CPLX1: variants seen among roughly 807,000 people sequenced by gnomAD.
CPLX1 encodes the protein complexin-1.
In CPLX1, 6 loss-of-function variants were observed where a neutral mutation model predicts 15.6. The ratio of observed to expected loss-of-function variants is 0.39; its 90% CI spans 0.21 to 0.76. CPLX1 has a LOEUF of 0.76. CPLX1 is among the 30% of genes least tolerant of loss of function. The probability of loss-of-function intolerance (pLI) is 0.43; values close to 1 mark genes in which losing one functional copy is unlikely to be tolerated. For synonymous variants in CPLX1, 91 were observed against 75.2 expected (o/e 1.21, Z -1.08); for missense variants, 242 against 188.6 (o/e 1.28, Z -1.66).
intron 2 of CPLX1, among the ~76,000 whole-genome samples, 152 bp downstream of exon 2, chr4:824,340 C>T (rs1265904819): frequency 6.6e-6 from 1 of 152,240 alleles, no homozygotes; most frequent in African/African-American, 2.4e-5. Context: ...GGGCACGGTC[C>T]TTGCTCCTCT....
intron 3 of CPLX1, chr4:787,715 A>G (rs2152641218): frequency 1.0e-6 from 1 of 984,904 alleles, no homozygotes; most frequent in African/African-American, 1.7e-5. Context: ...CCAGGCCTCT[A>G]AGTTTTTGTC....
intron 2 of CPLX1, among the ~76,000 whole-genome samples, chr4:822,928 C>T (rs1256651884): frequency 2.0e-5 from 3 of 152,210 alleles, no homozygotes; most frequent in Non-Finnish European, 2.9e-5. Flanking sequence ...AGCGTGGAGC[C>T]CCCCCAGGGT....
chr4:823,497 G>A (rs1746911791), intron 2 of CPLX1, among the ~76,000 whole-genome samples: 1 of 152,196 alleles, frequency 6.6e-6, no homozygotes, highest in South Asian at 2.1e-4. Context: ...TCCAAGGTGT[G>A]AATGGCATCA....
At position 794,943 on chromosome 4, in the gene CPLX1, G is replaced by T. The variant is rs944990491; in HGVS notation, c.32-2335C>A. ...TGCGCTCTGCTCCAGGGGTGCCTGTGGGGGGCCCTCCCGCTCTGAGAGTGT... is the reference window on the plus strand; with the variant it reads ...TGCGCTCTGCTCCAGGGGTGCCTGTTGGGGGCCCTCCCGCTCTGAGAGTGT... On this transcript the variant is annotated intron_variant, in intron 2 of 3. Transcript: ENST00000304062. Among the ~76,000 whole-genome samples the T allele has an allele frequency of 2.6e-5, 4 of 152,322 alleles. No individual in the cohort carries two copies. In the East Asian group the frequency reaches 5.8e-4, roughly 22 times the overall value.
chr4:786,237 G>T lies in CPLX1; in HGVS notation c.*264C>A. On this transcript the variant is annotated 3_prime_UTR_variant, in exon 4 of 4. Transcript: ENST00000304062. ...CCCTGGCCTCGGGCGCTGCTGGGTG[G>T]GCGGTAAACAGCAAGAGAAAGGGGC... 1 of 310,888 alleles carries T rather than the reference G, an allele frequency of 3.2e-6. No individual in the cohort carries two copies. Among genetic ancestry groups the T allele is most frequent in the Non-Finnish European group, 5.9e-6 (1 of 170,234 alleles). 19.3% of individuals were successfully genotyped at this position (310,888 alleles called of 1,614,324 possible). A position where few individuals can be genotyped will look rare whatever the true frequency, so the allele number is the denominator to read the frequency against.
intron 2 of CPLX1, among the ~76,000 whole-genome samples, chr4:807,511 G>C (rs1407259968): frequency 6.7e-6 from 1 of 149,848 alleles, no homozygotes; most frequent in Non-Finnish European, 1.5e-5. Flanking sequence ...TTCATTCTTT[G>C]TTGCCCTGGC....
At chr4:812,199 C>T (rs1400386791) in intron 2 of CPLX1, among the ~76,000 whole-genome samples, 5 of 152,056 alleles carry the variant, frequency 3.3e-5, no homozygotes, top group Non-Finnish European at 5.9e-5. Flanking sequence ...CTCAGCCTCC[C>T]GAGTAGCTGG....
chr4:822,893 A>T (rs1370580894), intron 2 of CPLX1, among the ~76,000 whole-genome samples: 1 of 152,134 alleles, frequency 6.6e-6, no homozygotes, highest in African/African-American at 2.4e-5. Context: ...TGCAAAGCCA[A>T]TGTGGGGTGC....
intron 2 of CPLX1, among the ~76,000 whole-genome samples, chr4:795,799 AG>A (rs1263218228): frequency 1.5e-5 from 1 of 66,314 alleles, no homozygotes; most frequent in Non-Finnish European, 3.2e-5. Context: ...CCGGGTGGAG[AG>A]GGGGTGGGGG....
chr4:825,343 CTGTT>C (rs765922014), intron 1 of CPLX1, among the ~76,000 whole-genome samples: 37 of 152,322 alleles, frequency 2.4e-4, no homozygotes, highest in South Asian at 1.9e-3. Flanking sequence ...TGGAGAGACA[CTGTT>C]TGACGGTTCA....
rs538103414 is a variant in CPLX1, at chr4:797,826, G to A, written c.32-5218C>T. 6.6e-5 allele frequency among the ~76,000 whole-genome samples: 10 copies of A among 152,136 alleles called. No homozygotes were observed. In the South Asian group the frequency reaches 2.1e-3, roughly 32 times the overall value. ...CGGGCGCCTGTAGTCCCAGCTACTC[G>A]GGAGGCTGAGGCAGAATGGTGTGAA... On this transcript the variant is annotated intron_variant, in intron 2 of 3. Coordinates refer to ENST00000304062, the MANE Select transcript of CPLX1 (RefSeq NM_006651.4).
rs1443312203 is a variant in CPLX1 at position 786,627 on chromosome 4, G to T, written c.279C>A (p.Ser93Arg). The T allele has an allele frequency of 6.2e-7, 1 of 1,612,688 alleles. No individual in the cohort carries two copies. Among genetic ancestry groups the T allele is most frequent in the East Asian group, 2.2e-5 (1 of 44,824 alleles). Residue 93 changes from serine (S) to arginine (R), a missense_variant, in exon 4 of 4, where the codon AGC (serine) becomes AGA (arginine). Transcript: ENST00000304062. ...GGATGGCCTTCTTGGGCCGCGTCAA[G>T]CTCCCCTCGGAGTTGGCCTCCATGG... ...QAAMEANSEG[S>R]LTRPKKAIPP...
chr4:791,928 G>A (rs1192492822), intron 3 of CPLX1, among the ~76,000 whole-genome samples: 1 of 152,196 alleles, frequency 6.6e-6, no homozygotes, highest in Non-Finnish European at 1.5e-5. Context: ...GACCCAGGCT[G>A]CTCCCTGTGC....
intron 3 of CPLX1, chr4:788,473 G>A (rs3775139): frequency 0.27 from 267,175 of 985,228 alleles, 38,241 homozygotes; most frequent in African/African-American, 0.52. Context: ...CAGCCCCTGC[G>A]CACTCTTGAC....
At chr4:789,315 G>A (rs528142492) in intron 3 of CPLX1, among the ~76,000 whole-genome samples, 18 of 152,224 alleles carry the variant, frequency 1.2e-4, no homozygotes, top group Middle Eastern at 3.4e-3. Context: ...CTGAGGATGG[G>A]AGTGGCTGCT....
intron 2 of CPLX1, among the ~76,000 whole-genome samples, chr4:800,553 TATATAA>T (rs1746430881): frequency 3.6e-5 from 5 of 139,076 alleles, no homozygotes; most frequent in African/African-American, 7.9e-5. Flanking sequence ...CATGTATGTA[TATATAA>T]ATATATGTGT....
chr4:800,716 G>T (rs1211083474), intron 2 of CPLX1, among the ~76,000 whole-genome samples: 1 of 86,772 alleles, frequency 1.2e-5, no homozygotes, highest in Admixed American at 1.4e-4. Flanking sequence ...GGGAAACCCC[G>T]TCTCTACTAA....
In CPLX1 at chr4:786,651, G is replaced by A. The variant is rs561300032; in HGVS notation, c.255C>T (p.Ala85=). 2 of 1,611,962 alleles carry A rather than the reference G, an allele frequency of 1.2e-6. No homozygotes were observed. Among genetic ancestry groups the A allele is most frequent in the Admixed American group, 1.7e-5 (1 of 59,962 alleles). ...AGCTCCCCTCGGAGTTGGCCTCCAT[G>A]GCGGCCTGGGCCTCGGCCTCGCGCT... ...KEEREAEAQA[A]MEANSEGSLT... Residue 85 remains alanine, a synonymous_variant, in exon 4 of 4, where the codon GCC becomes GCT. Transcript: ENST00000304062.
At chr4:804,230 G>A (rs972942864) in intron 2 of CPLX1, among the ~76,000 whole-genome samples, 1 of 152,148 alleles carries the variant, frequency 6.6e-6, no homozygotes, top group Non-Finnish European at 1.5e-5. Context: ...CTCTTTCTCC[G>A]TCTCTCCCAC....
Sources: allele counts gnomAD v4.1 joint callset (sites outside exome capture counted in the v4.1 genomes callset), GRCh38; gene constraint gnomAD v4.1.1; transcripts MANE v1.5; gene names NCBI Gene and HGNC (gene_info 2026-07-23, HGNC 2026-07-21).